RAP1GAP2: variants seen among roughly 807,000 people sequenced by gnomAD.
The protein encoded by RAP1GAP2 is RAP1 GTPase activating protein 2, also known as rap1 GTPase-activating protein 2.
A neutral mutation model predicts 95.0 loss-of-function variants in RAP1GAP2; 27 were observed. The observed-to-expected ratio is 0.28, with a 90% CI of 0.21 to 0.39. The LOEUF is 0.39. RAP1GAP2 is among the 10% of genes least tolerant of loss of function. The pLI, the probability that RAP1GAP2 is intolerant of heterozygous loss-of-function variation, is 1.00. For missense variants in RAP1GAP2, 771 were observed against 970.0 expected (o/e 0.79, Z 2.72); for synonymous variants, 373 against 380.9 (o/e 0.98, Z 0.24).
rs570028107 is a variant in RAP1GAP2, at chr17:3,014,725, T to A, written c.1495-3336T>A. On this transcript the variant is annotated intron_variant, in intron 17 of 24. Transcript: ENST00000254695. ...CCACCATGCCTGGCTAATTTTTGTATTTTTTACAAAAATTAGAGATGGGGT... is the reference window on the plus strand; with the variant it reads ...CCACCATGCCTGGCTAATTTTTGTAATTTTTACAAAAATTAGAGATGGGGT... Among the ~76,000 whole-genome samples the A allele has an allele frequency of 5.3e-5, 8 of 152,238 alleles. No homozygotes were observed. In the East Asian group the frequency reaches 1.5e-3, roughly 29 times the overall value.
At chr17:2,873,250 A>G (rs2072922646) in intron 2 of RAP1GAP2, among the ~76,000 whole-genome samples, 1 of 148,680 alleles carries the variant, frequency 6.7e-6, no homozygotes, top group Admixed American at 6.8e-5. Flanking sequence ...GCTTGAGCTC[A>G]GGAGTTCGAG....
At chr17:2,775,194 G>A (rs1023703564), upstream of RAP1GAP2, among the ~76,000 whole-genome samples, 1 of 152,138 alleles carries the variant, frequency 6.6e-6, no homozygotes. Context: ...TTGTGATCCT[G>A]CTCTGGGTCA....
chr17:2,854,237 G>A, intron 2 of RAP1GAP2: 1 of 811,310 alleles, frequency 1.2e-6, no homozygotes, highest in Middle Eastern at 6.3e-4. Flanking sequence ...ACCGTCGTGC[G>A]AACCGAGTTC....
At chr17:2,883,881 G>C (rs1481444723) in intron 2 of RAP1GAP2, among the ~76,000 whole-genome samples, 1 of 152,268 alleles carries the variant, frequency 6.6e-6, no homozygotes, top group Non-Finnish European at 1.5e-5. Context: ...TTCTGGTCCA[G>C]GGAGGGACCC....
chr17:2,904,530 CTG>C lies in RAP1GAP2; in HGVS notation c.81-716_81-715del, dbSNP rs5818880. Among the ~76,000 whole-genome samples, 2,709 of 129,130 alleles carry C rather than the reference CTG, an allele frequency of 0.021. 42 individuals carry two copies. The highest frequency in any genetic ancestry group is 0.026 in the South Asian group (98 of 3,760). 84.7% of individuals were successfully genotyped at this position (129,130 alleles called of 152,430 possible). ...CCGAGGACAGCTTTTTGACCAGGGC[CTG>C]TGTGTGTGTGTGTGTGTGTGTGTGT... On this transcript the variant is annotated intron_variant, in intron 2 of 24. Coordinates refer to ENST00000254695, the MANE Select transcript of RAP1GAP2 (RefSeq NM_015085.5). The surrounding 1 kb of genome is among the most constrained non-coding windows in gnomAD (Gnocchi z 4.7).
At chr17:2,784,174 T>C (rs1226313516) in intron 1 of RAP1GAP2, among the ~76,000 whole-genome samples, 2 of 151,894 alleles carry the variant, frequency 1.3e-5, no homozygotes, top group Admixed American at 6.6e-5. Context: ...AGGGTTTCAC[T>C]GTGTTAGCCA....
intron 2 of RAP1GAP2, among the ~76,000 whole-genome samples, chr17:2,885,346 T>C (rs1217532249): frequency 1.3e-5 from 2 of 152,218 alleles, no homozygotes; most frequent in Non-Finnish European, 2.9e-5. Context: ...GACACACGTC[T>C]TGGCAGATCC....
At chr17:2,821,232 T>C (rs940595152) in intron 2 of RAP1GAP2, among the ~76,000 whole-genome samples, 22 of 152,084 alleles carry the variant, frequency 1.4e-4, no homozygotes, top group African/African-American at 4.6e-4. Flanking sequence ...TTTCCCCTCT[T>C]TAAAAATAGC....
chr17:2,849,117 G>A (rs1282579441), intron 2 of RAP1GAP2, among the ~76,000 whole-genome samples: 7 of 152,210 alleles, frequency 4.6e-5, no homozygotes, highest in African/African-American at 7.2e-5. Flanking sequence ...GTGCTGGACC[G>A]TCCTGTCCAA....
At chr17:2,940,730 A>C (rs2043464230) in intron 3 of RAP1GAP2, among the ~76,000 whole-genome samples, 1 of 152,108 alleles carries the variant, frequency 6.6e-6, no homozygotes, top group Non-Finnish European at 1.5e-5. Flanking sequence ...CCTGGTGAAC[A>C]TGGGGGGCCC....
intron 1 of RAP1GAP2, among the ~76,000 whole-genome samples, chr17:2,756,308 G>A (rs1174490033): frequency 6.6e-6 from 1 of 152,240 alleles, no homozygotes; most frequent in Non-Finnish European, 1.5e-5. Context: ...TAGGAGACCA[G>A]GGCAGGGGAG....
At chr17:2,836,938 A>G (rs1312681047) in intron 2 of RAP1GAP2, among the ~76,000 whole-genome samples, 1 of 152,006 alleles carries the variant, frequency 6.6e-6, no homozygotes, top group Non-Finnish European at 1.5e-5. Flanking sequence ...AAGCAATCGT[A>G]GTGGATTGGT....
chr17:2,946,301 T>C (rs775150325), intron 3 of RAP1GAP2, among the ~76,000 whole-genome samples: 11 of 152,208 alleles, frequency 7.2e-5, no homozygotes, highest in Non-Finnish European at 1.3e-4. Flanking sequence ...AGTTAGGAAG[T>C]GTTTCCTCCT....
intron 2 of RAP1GAP2, among the ~76,000 whole-genome samples, chr17:2,886,497 A>T (rs2073510580): frequency 6.6e-6 from 1 of 152,182 alleles, no homozygotes; most frequent in South Asian, 2.1e-4. Context: ...TTACAATAAA[A>T]ATTTAAAAAT....
chr17:3,018,680 G>T (rs2046858818), intron 18 of RAP1GAP2, among the ~76,000 whole-genome samples: 2 of 152,188 alleles, frequency 1.3e-5, no homozygotes, highest in South Asian at 4.1e-4. Context: ...GCCCGAGATG[G>T]GTGCTGATGT....
At chr17:2,769,960 C>T (rs1012848401) in intron 1 of RAP1GAP2, among the ~76,000 whole-genome samples, 5 of 151,764 alleles carry the variant, frequency 3.3e-5, no homozygotes, top group African/African-American at 1.2e-4. Context: ...GTAATCCCAG[C>T]TACCTGGGAG....
chr17:2,920,966 G>A (rs1254750331), intron 3 of RAP1GAP2, among the ~76,000 whole-genome samples: 1 of 152,134 alleles, frequency 6.6e-6, no homozygotes, highest in Non-Finnish European at 1.5e-5. Flanking sequence ...GGTGGGTTCT[G>A]TGTTGCTTCG....
intron 3 of RAP1GAP2, among the ~76,000 whole-genome samples, chr17:2,952,599 A>G (rs1335343627): frequency 6.6e-6 from 1 of 152,192 alleles, no homozygotes; most frequent in East Asian, 1.9e-4. Context: ...CAGACTGGAC[A>G]CAGTGGCTGT....
intron 2 of RAP1GAP2, among the ~76,000 whole-genome samples, chr17:2,878,098 C>T (rs960111959): frequency 6.6e-6 from 1 of 151,976 alleles, no homozygotes; most frequent in Non-Finnish European, 1.5e-5. Context: ...AATGCAGATG[C>T]GTAAAGGTGG....
Sources: gnomAD v4.1 joint callset for allele counts (sites outside exome capture counted in the v4.1 genomes callset) on GRCh38, gnomAD v4.1.1 for gene constraint, Gnocchi (gnomAD v3.1) non-coding constraint, MANE v1.5 for transcripts, NCBI Gene and HGNC (gene_info 2026-07-23, HGNC 2026-07-21) for gene names.